NDUFAF2: variants seen among roughly 807,000 people sequenced by gnomAD.
The protein encoded by NDUFAF2 is NADH:ubiquinone oxidoreductase complex assembly factor 2.
NDUFAF2 carries 13 observed loss-of-function variants against 22.8 expected under a neutral mutation model. That is an observed-to-expected ratio of 0.57 (90% CI 0.37 to 0.91). NDUFAF2 has a LOEUF of 0.91. NDUFAF2 is among the 40% of genes least tolerant of loss of function. NDUFAF2 has a pLI of 0.01. For synonymous variants in NDUFAF2, 53 were observed against 64.2 expected (o/e 0.83, Z 0.84); for missense variants, 162 against 195.2 (o/e 0.83, Z 1.01).
chr5:61,000,242 G>C (rs770566320), intron 1 of NDUFAF2, among the ~76,000 whole-genome samples: 6 of 152,040 alleles, frequency 3.9e-5, no homozygotes, highest in Non-Finnish European at 8.8e-5. Context: ...TTTTTTGATA[G>C]AAAATGAGTA....
chr5:61,138,931 A>G (rs1319033990), intron 3 of NDUFAF2, among the ~76,000 whole-genome samples: 2 of 152,230 alleles, frequency 1.3e-5, no homozygotes, highest in East Asian at 1.9e-4. Flanking sequence ...ACCTCCACCC[A>G]GATAGTTGGC....
intron 1 of NDUFAF2, among the ~76,000 whole-genome samples, chr5:61,042,396 CTA>C (rs1262897278): frequency 6.6e-6 from 1 of 151,938 alleles, no homozygotes; most frequent in African/African-American, 2.4e-5. Context: ...GTAGAATAAA[CTA>C]TTTGTGGAAA....
intron 1 of NDUFAF2, among the ~76,000 whole-genome samples, chr5:60,962,429 A>G (rs1334994417): frequency 6.6e-6 from 1 of 152,190 alleles, no homozygotes; most frequent in Non-Finnish European, 1.5e-5. Flanking sequence ...CCACGTTTTC[A>G]ATTAGAAAGT....
chr5:61,031,249 G>A (rs977695930), intron 1 of NDUFAF2, among the ~76,000 whole-genome samples: 2 of 151,988 alleles, frequency 1.3e-5, no homozygotes, highest in African/African-American at 4.8e-5. Context: ...ACGTGCCATG[G>A]TGGTTTGCAA....
At chr5:60,981,732 G>A (rs1483036751) in intron 1 of NDUFAF2, among the ~76,000 whole-genome samples, 2 of 152,148 alleles carry the variant, frequency 1.3e-5, no homozygotes, top group Non-Finnish European at 2.9e-5. Context: ...AACCAAAACA[G>A]CATCATAGTG....
intron 1 of NDUFAF2, among the ~76,000 whole-genome samples, chr5:60,987,957 C>T (rs1751104761): frequency 6.6e-6 from 1 of 152,036 alleles, no homozygotes; most frequent in Non-Finnish European, 1.5e-5. Flanking sequence ...ATAAAAGGCA[C>T]CCAAATAGGC....
At chr5:61,007,644 A>G (rs1381998229) in intron 1 of NDUFAF2, among the ~76,000 whole-genome samples, 4 of 152,218 alleles carry the variant, frequency 2.6e-5, no homozygotes, top group Middle Eastern at 3.2e-3. Flanking sequence ...TTAAAAAGTC[A>G]GGAAACAACA....
intron 2 of NDUFAF2, among the ~76,000 whole-genome samples, chr5:61,083,937 A>G (rs898235511): frequency 4.0e-5 from 6 of 151,758 alleles, no homozygotes; most frequent in African/African-American, 7.2e-5. Flanking sequence ...TGTTTCTTCT[A>G]TTCTCATGCG....
chr5:60,952,652 A>G (rs1750563822), intron 1 of NDUFAF2, among the ~76,000 whole-genome samples: 1 of 152,028 alleles, frequency 6.6e-6, no homozygotes, highest in Non-Finnish European at 1.5e-5. Flanking sequence ...AAAATGTATT[A>G]TCTATTTTGC....
At chr5:60,949,164 C>T (rs1750507279) in intron 1 of NDUFAF2, among the ~76,000 whole-genome samples, 1 of 152,140 alleles carries the variant, frequency 6.6e-6, no homozygotes, top group Non-Finnish European at 1.5e-5. Context: ...CAGAACAGTT[C>T]CGTCACCCTG....
At chr5:61,117,713 A>G (rs183590381) in intron 3 of NDUFAF2, among the ~76,000 whole-genome samples, 159 of 152,224 alleles carry the variant, frequency 1.0e-3, no homozygotes, top group Admixed American at 1.8e-3. Context: ...GCACATATAC[A>G]ATGATATGGA....
At chr5:61,063,093 A>G (rs186496334) in intron 1 of NDUFAF2, among the ~76,000 whole-genome samples, 54 of 152,302 alleles carry the variant, frequency 3.5e-4, no homozygotes, top group African/African-American at 1.2e-3. Context: ...GACAATTACT[A>G]TCATGAAAAC....
chr5:61,144,531 C>G (rs187698264), intron 3 of NDUFAF2, among the ~76,000 whole-genome samples: 2 of 152,164 alleles, frequency 1.3e-5, no homozygotes, highest in East Asian at 3.9e-4. Flanking sequence ...ATATTTGATT[C>G]CATTTAATAG....
chr5:61,107,936 G>A (rs1427151486), intron 3 of NDUFAF2, among the ~76,000 whole-genome samples: 6 of 149,810 alleles, frequency 4.0e-5, no homozygotes, highest in South Asian at 2.1e-4. Context: ...TTGTTCTTGC[G>A]ATAGTTTACT....
chr5:60,977,832 G>C (rs531448271), intron 1 of NDUFAF2, among the ~76,000 whole-genome samples: 3 of 108,644 alleles, frequency 2.8e-5, no homozygotes, highest in African/African-American at 9.3e-5. Context: ...ACAAGACTCT[G>C]TCTCAAAAAA....
At chr5:60,987,471 A>C (rs1751097964) in intron 1 of NDUFAF2, among the ~76,000 whole-genome samples, 1 of 152,212 alleles carries the variant, frequency 6.6e-6, no homozygotes, top group Admixed American at 6.5e-5. Flanking sequence ...GAGATACAAC[A>C]ACAACAATAG....
chr5:61,052,411 C>T (rs1257631136), intron 1 of NDUFAF2, among the ~76,000 whole-genome samples: 3 of 152,130 alleles, frequency 2.0e-5, no homozygotes, highest in Non-Finnish European at 2.9e-5. Context: ...CCCGGGTTCT[C>T]GCCATTCTCT....
chr5:60,961,047 G>A (rs1369166610), intron 1 of NDUFAF2, among the ~76,000 whole-genome samples: 2 of 152,144 alleles, frequency 1.3e-5, no homozygotes, highest in South Asian at 2.1e-4. Flanking sequence ...TATTGTTGAT[G>A]GTAGTGGTGA....
At chr5:61,065,973 G>A (rs186554757) in intron 1 of NDUFAF2, among the ~76,000 whole-genome samples, 26 of 151,834 alleles carry the variant, frequency 1.7e-4, no homozygotes, top group African/African-American at 5.8e-4. Flanking sequence ...TAAAAAACCC[G>A]TTAGAACTAA....
Sources: gnomAD v4.1 joint callset for allele counts (sites outside exome capture counted in the v4.1 genomes callset) on GRCh38, gnomAD v4.1.1 for gene constraint, MANE v1.5 for transcripts, NCBI Gene and HGNC (gene_info 2026-07-23, HGNC 2026-07-21) for gene names.